The following PCDHGA4 variants were observed in gnomAD, a reference collection of about 807,000 sequenced individuals.
PCDHGA4 encodes protocadherin gamma-A4.
In PCDHGA4, 38 loss-of-function variants were observed where a neutral mutation model predicts 54.6. The observed-to-expected ratio is 0.70, with a 90% CI of 0.54 to 0.91. PCDHGA4 has a LOEUF of 0.91. Among genes scored for constraint, PCDHGA4 ranks in the 40% least tolerant of loss-of-function variants. The pLI, the probability that PCDHGA4 is intolerant of heterozygous loss-of-function variation, is 0.00. For missense variants in PCDHGA4, 1,298 were observed against 1,220.9 expected (o/e 1.06, Z -0.94); for synonymous variants, 511 against 512.9 (o/e 1.00, Z 0.05).
intron 1 of PCDHGA4, chr5:141,410,390 G>A: frequency 6.2e-7 from 1 of 1,614,012 alleles, no homozygotes; most frequent in South Asian, 1.1e-5. Flanking sequence ...CTTCCATCCT[G>A]GTCTCTGTGT....
At chr5:141,475,987 C>A in intron 1 of PCDHGA4, 2 of 1,101,540 alleles carry the variant, frequency 1.8e-6, no homozygotes, top group Non-Finnish European at 2.6e-6. Flanking sequence ...AGCCGGCGAG[C>A]AAATCAACGG....
At chr5:141,377,245 G>C (rs376774075) in intron 1 of PCDHGA4, 1 of 151,350 alleles carries the variant, frequency 6.6e-6, no homozygotes, top group South Asian at 2.1e-4. Context: ...TGTGACATTT[G>C]TAAGGTTCTT....
intron 1 of PCDHGA4, among the ~76,000 whole-genome samples, chr5:141,464,833 G>A (rs1015373577): frequency 6.6e-6 from 1 of 151,990 alleles, no homozygotes; most frequent in African/African-American, 2.4e-5. Context: ...CGCACTCCTG[G>A]GCTCAAGCAA....
intron 1 of PCDHGA4, chr5:141,409,809 A>G: frequency 1.2e-6 from 2 of 1,611,542 alleles, no homozygotes; most frequent in Non-Finnish European, 1.7e-6. Context: ...CAGGCCCGCG[A>G]CCACGGCTCG....
At position 141,380,476 on chromosome 5, in the gene PCDHGA4, TC is replaced by T. The variant is rs534346627; in HGVS notation, c.2514+22858del. Among the ~76,000 whole-genome samples the T allele has an allele frequency of 1.1e-4, 16 of 152,316 alleles. No homozygotes were observed. The South Asian group carries it at 3.1e-3, about 30-fold the overall frequency. ...CAACCAAACAAATGGTCAGGATTCT[TC>T]CCAATATCTCAGTCAACAATAATAT... is the stretch of plus-strand genomic sequence containing the variant. On this transcript the variant is annotated intron_variant, in intron 1 of 3. Transcript: ENST00000571252.
chr5:141,395,544 G>T (rs1352260391), intron 1 of PCDHGA4: 4 of 11,560 alleles, frequency 3.5e-4, no homozygotes, highest in African/African-American at 5.6e-4. Flanking sequence ...GCTATTGTTT[G>T]TGTGTGTGTG....
intron 1 of PCDHGA4, chr5:141,388,825 C>G: frequency 6.2e-7 from 1 of 1,613,910 alleles, no homozygotes; most frequent in Non-Finnish European, 8.5e-7. Flanking sequence ...AAAGAATATT[C>G]CATAGTTTTG....
At chr5:141,372,341 A>G (rs1382612317) in intron 1 of PCDHGA4, 1 of 1,613,800 alleles carries the variant, frequency 6.2e-7, no homozygotes, top group Non-Finnish European at 8.5e-7. Context: ...TGCGTGATGG[A>G]GGACAGCAGC....
At chr5:141,479,358 GC>G (rs2154577546) in intron 1 of PCDHGA4, 1 of 152,584 alleles carries the variant, frequency 6.6e-6, no homozygotes, top group Non-Finnish European at 1.5e-5. Flanking sequence ...GCTGCTCAGT[GC>G]CTGAGGTGGG....
At chr5:141,461,830 CTT>C (rs1030113508) in intron 1 of PCDHGA4, among the ~76,000 whole-genome samples, 1 of 145,180 alleles carries the variant, frequency 6.9e-6, no homozygotes, top group Non-Finnish European at 1.5e-5. Context: ...ATTTTTTTTT[CTT>C]TTTTTTTTGA....
At chr5:141,376,676 G>GTTTTTTTTTTTTTTTTTTTTTTTTT in intron 1 of PCDHGA4, 1 of 275,812 alleles carries the variant, frequency 3.6e-6, no homozygotes, top group Non-Finnish European at 6.2e-6. Context: ...TGAGGGTATC[G>GTTTTTTTTTTTTTTTTTTTTTTTTT]TTTTTTTTTT....
intron 1 of PCDHGA4, among the ~76,000 whole-genome samples, chr5:141,373,609 A>G (rs566827138): frequency 6.6e-6 from 1 of 152,384 alleles, no homozygotes; most frequent in South Asian, 2.1e-4. Context: ...TTCAAAATTT[A>G]CAGAAGATTG....
At chr5:141,435,995 A>C (rs1033174115) in intron 1 of PCDHGA4, among the ~76,000 whole-genome samples, 2 of 152,144 alleles carry the variant, frequency 1.3e-5, no homozygotes, top group African/African-American at 4.8e-5. Context: ...TGATTTTTTG[A>C]AAGAAAGTAT....
At position 141,489,505 on chromosome 5, in the gene PCDHGA4, A is replaced by G. The variant is rs1198371307; in HGVS notation, c.2515-5302A>G. On this transcript the variant is annotated intron_variant, in intron 1 of 3. Transcript: ENST00000571252. The surrounding 1 kb of genome is among the most constrained non-coding windows in gnomAD (Gnocchi z 4.5). ...GAGTGGTGCCCTGGCAGTGAATCAA[A>G]AGATTGACCGAGAAAGCCTATGTGG... The G allele has an allele frequency of 1.9e-6, 3 of 1,613,972 alleles. No homozygotes were observed. The Admixed American group carries it at 5.0e-5, about 27-fold the overall frequency.
intron 1 of PCDHGA4, chr5:141,415,721 G>A (rs1201366552): frequency 3.0e-6 from 2 of 675,878 alleles, no homozygotes; most frequent in Admixed American, 7.4e-5. Context: ...CTGATGAGTA[G>A]AATTTGATGT....
In PCDHGA4 at chr5:141,486,407, C is replaced by A; in HGVS notation, c.2515-8400C>A. The A allele has an allele frequency of 6.2e-7, 1 of 1,614,134 alleles. No homozygotes were observed. The highest frequency in any genetic ancestry group is 8.5e-7 in the Non-Finnish European group (1 of 1,180,000). On this transcript the variant is annotated intron_variant, in intron 1 of 3. Transcript: ENST00000571252. This position sits in a 1 kb window ranked among gnomAD's most constrained non-coding sequence, Gnocchi z 5.0. Reference sequence around the variant, plus strand: ...CCAGTTCTCCCTGGTGACTGCTGGACCCTTGGATCGAGAGGCCAAATCTAG... The same window carrying A: ...CCAGTTCTCCCTGGTGACTGCTGGAACCTTGGATCGAGAGGCCAAATCTAG...
intron 1 of PCDHGA4, chr5:141,393,581 C>T (rs1356594219): frequency 5.0e-6 from 8 of 1,613,790 alleles, no homozygotes; most frequent in Non-Finnish European, 6.8e-6. Flanking sequence ...AGAACATGCC[C>T]CCAGGCACGC....
At chr5:141,407,974 G>A (rs1229330658) in intron 1 of PCDHGA4, 3 of 728,612 alleles carry the variant, frequency 4.1e-6, no homozygotes, top group African/African-American at 1.8e-5. Context: ...CGCTGACGCC[G>A]GGGATCCGTC....
Position 141,412,905 on chromosome 5 carries a change from A to G in PCDHGA4, c.2514+55284A>G, listed in dbSNP as rs145108034. The stretch of plus-strand genomic sequence containing the variant: ...AACAGAATAGTTTACTTTCCATTGC[A>G]TGTATCACTTGGGTGCAGTAACTTC... On this transcript the variant is annotated intron_variant, in intron 1 of 3. Coordinates refer to ENST00000571252, the MANE Select transcript of PCDHGA4 (RefSeq NM_018917.4). 1.3e-3 allele frequency: 513 copies of G among 382,556 alleles called. 6 individuals are homozygous for G. The East Asian group carries it at 0.015, about 11-fold the overall frequency. 23.7% of individuals were successfully genotyped at this position (382,556 alleles called of 1,614,324 possible).
Sources: allele counts gnomAD v4.1 joint callset (sites outside exome capture counted in the v4.1 genomes callset), GRCh38; gene constraint gnomAD v4.1.1; non-coding constraint Gnocchi (gnomAD v3.1); transcripts MANE v1.5; gene names NCBI Gene and HGNC (gene_info 2026-07-23, HGNC 2026-07-21).